NEK11: variants seen among roughly 807,000 people sequenced by gnomAD.
NEK11 encodes the protein NIMA related kinase 11, also known as serine/threonine-protein kinase Nek11.
A neutral mutation model predicts 80.7 loss-of-function variants in NEK11; 72 were observed. That is an observed-to-expected ratio of 0.89 (90% CI 0.74 to 1.08). NEK11 has a LOEUF of 1.08. NEK11 is among the 50% of genes least tolerant of loss of function. The pLI is 0.00. For missense variants in NEK11, 764 were observed against 763.6 expected (o/e 1.00, Z -0.01); for synonymous variants, 251 against 260.7 (o/e 0.96, Z 0.36).
At chr3:131,287,009 C>A (rs1258423170) in intron 17 of NEK11, among the ~76,000 whole-genome samples, 5 of 152,214 alleles carry the variant, frequency 3.3e-5, no homozygotes, top group Non-Finnish European at 5.9e-5. Flanking sequence ...ATGGGCAAAA[C>A]CTTAGAAAAA....
intron 3 of NEK11, among the ~76,000 whole-genome samples, chr3:131,050,068 G>T (rs2068106080): frequency 6.6e-6 from 1 of 152,200 alleles, no homozygotes; most frequent in South Asian, 2.1e-4. Flanking sequence ...TAATGGGGGG[G>T]TGTCCCCTCA....
At chr3:131,262,310 T>C (rs182754160) in intron 16 of NEK11, among the ~76,000 whole-genome samples, 36 of 152,204 alleles carry the variant, frequency 2.4e-4, no homozygotes, top group Admixed American at 2.3e-3. Context: ...CACTTGAGCC[T>C]AGGAGTTCAA....
chr3:131,285,223 G>C (rs1295185837), intron 17 of NEK11, among the ~76,000 whole-genome samples: 2 of 152,188 alleles, frequency 1.3e-5, no homozygotes, highest in Non-Finnish European at 2.9e-5. Flanking sequence ...CATGTGGAAA[G>C]GTTTCTGGGG....
chr3:131,065,996 G>T (rs372481923), intron 3 of NEK11, among the ~76,000 whole-genome samples: 3 of 152,260 alleles, frequency 2.0e-5, no homozygotes, highest in East Asian at 3.9e-4. Flanking sequence ...TGGTCTGCTT[G>T]TTTGACCAGC....
intron 3 of NEK11, among the ~76,000 whole-genome samples, chr3:131,061,802 G>A (rs1316214117): frequency 2.0e-5 from 3 of 152,268 alleles, no homozygotes; most frequent in Non-Finnish European, 4.4e-5. Context: ...GCCAGACTAA[G>A]GACAACCTCC....
At chr3:131,030,100 C>A (rs905954975) in intron 3 of NEK11, among the ~76,000 whole-genome samples, 1 of 152,060 alleles carries the variant, frequency 6.6e-6, no homozygotes, top group African/African-American at 2.4e-5. Context: ...ATTAGCCAGG[C>A]AGGGTGGTAC....
At chr3:131,051,489 A>T (rs186974841) in intron 3 of NEK11, among the ~76,000 whole-genome samples, 9 of 152,290 alleles carry the variant, frequency 5.9e-5, no homozygotes, top group South Asian at 2.1e-4. Context: ...ATTCCAGATC[A>T]TTTTTTGTAT....
intron 5 of NEK11, among the ~76,000 whole-genome samples, chr3:131,127,021 A>C (rs1487468474): frequency 2.9e-5 from 4 of 135,656 alleles, no homozygotes; most frequent in African/African-American, 1.2e-4. Context: ...GCTGGAGTAC[A>C]GTGGCGCGAT....
intron 5 of NEK11, among the ~76,000 whole-genome samples, chr3:131,126,390 T>G (rs2083341260): frequency 6.6e-6 from 1 of 152,260 alleles, no homozygotes; most frequent in Non-Finnish European, 1.5e-5. Flanking sequence ...TTTGTTTGTT[T>G]GAAAATGTTT....
chr3:131,302,860 G>A (rs190788167), intron 17 of NEK11, among the ~76,000 whole-genome samples: 46 of 152,142 alleles, frequency 3.0e-4, no homozygotes, highest in African/African-American at 1.0e-3. Flanking sequence ...GATGTCTGTC[G>A]GGTCCTTTTG....
At chr3:131,045,873 T>C (rs985023077) in intron 3 of NEK11, among the ~76,000 whole-genome samples, 1 of 152,214 alleles carries the variant, frequency 6.6e-6, no homozygotes, top group African/African-American at 2.4e-5. Flanking sequence ...CTCTTTGTCC[T>C]TTTTAACTGC....
At chr3:131,315,811 G>A (rs1451833486) in intron 17 of NEK11, among the ~76,000 whole-genome samples, 1 of 151,984 alleles carries the variant, frequency 6.6e-6, no homozygotes, top group Non-Finnish European at 1.5e-5. Context: ...GTGGTGTTTG[G>A]TTTTCTGTTC....
chr3:131,213,321 G>A (rs1357960639), intron 14 of NEK11, among the ~76,000 whole-genome samples: 1 of 152,192 alleles, frequency 6.6e-6, no homozygotes, highest in Non-Finnish European at 1.5e-5. Flanking sequence ...CAGATGGCCG[G>A]TTAACAGAAG....
intron 17 of NEK11, among the ~76,000 whole-genome samples, chr3:131,307,020 C>T (rs1411907743): frequency 6.6e-6 from 1 of 152,128 alleles, no homozygotes; most frequent in Non-Finnish European, 1.5e-5. Flanking sequence ...CCTGTGTCCT[C>T]ACCTCTCTAA....
Position 131,132,194 on chromosome 3 carries a change from T to A in NEK11, c.456-551T>A, listed in dbSNP as rs2084618915. Among the ~76,000 whole-genome samples the A allele has an allele frequency of 4.6e-5, 7 of 152,080 alleles. No homozygotes were observed. The South Asian group carries it at 1.4e-3, about 31-fold the overall frequency. On this transcript the variant is annotated intron_variant, in intron 5 of 17. Transcript: ENST00000383366. ...AACTGTGCATATATGAAGATATTTG[T>A]ATACTTTATTCGGCATTTTAGTTTT...
At chr3:131,050,831 C>T (rs747223587) in intron 3 of NEK11, among the ~76,000 whole-genome samples, 58 of 151,984 alleles carry the variant, frequency 3.8e-4, no homozygotes, top group Non-Finnish European at 7.4e-4. Flanking sequence ...GAATTCCAGA[C>T]CAGACTGGGC....
At chr3:131,231,011 A>C (rs563954969) in intron 15 of NEK11, among the ~76,000 whole-genome samples, 1 of 152,130 alleles carries the variant, frequency 6.6e-6, no homozygotes, top group East Asian at 1.9e-4. Context: ...TTCACCTTCC[A>C]CCATGACTGT....
At chr3:131,232,989 GAA>G (rs2095359387) in intron 15 of NEK11, among the ~76,000 whole-genome samples, 1 of 98,540 alleles carries the variant, frequency 1.0e-5, no homozygotes, top group Admixed American at 9.0e-5. Flanking sequence ...GGGAAGGAAG[GAA>G]GGAAGGAAGG....
chr3:131,173,015 T>G (rs1304024061), intron 14 of NEK11, among the ~76,000 whole-genome samples: 3 of 152,226 alleles, frequency 2.0e-5, no homozygotes, highest in Non-Finnish European at 4.4e-5. Flanking sequence ...GGAAGTTACC[T>G]TATATGGTCT....
Sources: gnomAD v4.1 joint callset for allele counts (sites outside exome capture counted in the v4.1 genomes callset) on GRCh38, gnomAD v4.1.1 for gene constraint, MANE v1.5 for transcripts, NCBI Gene and HGNC (gene_info 2026-07-23, HGNC 2026-07-21) for gene names.